FAM178B: variants seen among roughly 807,000 people sequenced by gnomAD.
FAM178B encodes family with sequence similarity 178 member B, also known as protein FAM178B.
A neutral mutation model predicts 91.7 loss-of-function variants in FAM178B; 82 were observed. That is an observed-to-expected ratio of 0.89 (90% confidence interval 0.75 to 1.07). The LOEUF is 1.07. FAM178B is among the 50% of genes least tolerant of loss of function. The pLI is 0.00. For synonymous variants in FAM178B, 368 were observed against 359.4 expected, an observed-to-expected ratio of 1.02 and a Z score of -0.27; for missense variants, 769 against 846.7, an observed-to-expected ratio of 0.91 and a Z score of 1.14.
chr2:96,967,909 G>GTATTTTTTT lies in FAM178B; in HGVS notation c.627-283_627-282insAAAAAAATA, dbSNP rs1318481195. Among the ~76,000 whole-genome samples, 5 of 40,228 alleles carry GTATTTTTTT rather than the reference G, an allele frequency of 1.2e-4. 1 individual carries two copies. The highest frequency in any genetic ancestry group is 4.0e-4 in the Non-Finnish European group (4 of 9,894). 26.4% of individuals were successfully genotyped at this position (40,228 alleles called of 152,430 possible). A position where few individuals can be genotyped will look rare whatever the true frequency, so the allele number is the denominator to read the frequency against. On this transcript the variant is annotated intron_variant, in intron 4 of 16. Transcript: ENST00000490605. ...CATCTTTACTTGTGTACCCTGTTTG[G>GTATTTTTTT]TCTTTTTTTTTTTTTTTTTTTTTTT...
intron 1 of FAM178B, among the ~76,000 whole-genome samples, chr2:96,981,991 C>T (rs1216400968): frequency 1.3e-5 from 2 of 151,652 alleles, no homozygotes; most frequent in Admixed American, 1.3e-4. Context: ...CATCTGAGTC[C>T]AGGAGGTCAA....
chr2:96,960,602 C>T lies in FAM178B; in HGVS notation c.735-162G>A, dbSNP rs528734104. Among the ~76,000 whole-genome samples, 3 of 152,310 alleles carry T rather than the reference C, an allele frequency of 2.0e-5. No homozygotes were observed. In the South Asian group the frequency reaches 6.2e-4, roughly 32 times the overall value. On this transcript the variant is annotated intron_variant, in intron 5 of 16. Coordinates refer to ENST00000490605, the MANE Select transcript of FAM178B (RefSeq NM_001122646.3). ...GCGCCACCTGCTGATGGAGGAAGAG[C>T]CCACCTAGGCACGCAGGAGCCCTTC...
chr2:96,879,709 G>C (rs2080333079), intron 14 of FAM178B, among the ~76,000 whole-genome samples: 1 of 152,230 alleles, frequency 6.6e-6, no homozygotes, highest in Non-Finnish European at 1.5e-5. Context: ...AGGTGGCCTT[G>C]CACACGGCAG....
At position 96,947,760 on chromosome 2, in the gene FAM178B, C is replaced by T. The variant is rs957372193; in HGVS notation, c.1078+58G>A. On this transcript the variant is annotated intron_variant, in intron 8 of 16. Transcript: ENST00000490605. ...GCTGGGCTCTGGGCACTGAGAGTCA[C>T]GTATCACAGGCTTGGGAGCTCAGTG... is the stretch of plus-strand genomic sequence containing the variant. 1.4e-5 allele frequency: 14 copies of T among 995,822 alleles called. No homozygotes were observed. The Admixed American group carries it at 2.3e-4, about 16-fold the overall frequency. 61.7% of individuals were successfully genotyped at this position (995,822 alleles called of 1,614,324 possible).
chr2:96,947,933 C>T, intron 7 of FAM178B, 31 bp from the exon 8 acceptor site: 1 of 1,233,936 alleles, frequency 8.1e-7, no homozygotes, highest in Non-Finnish European at 1.2e-6. Flanking sequence ...AAAACAAAAA[C>T]CTGGTGAGCT....
At chr2:96,879,715 G>A (rs997351339) in intron 14 of FAM178B, among the ~76,000 whole-genome samples, 2 of 152,214 alleles carry the variant, frequency 1.3e-5, no homozygotes, top group Admixed American at 6.5e-5. Context: ...CCTTGCACAC[G>A]GCAGGCAGAG....
intron 14 of FAM178B, among the ~76,000 whole-genome samples, chr2:96,887,310 C>T (rs745330978): frequency 2.6e-5 from 4 of 152,192 alleles, no homozygotes; most frequent in Non-Finnish European, 4.4e-5. Flanking sequence ...TTCAGATGAT[C>T]CTCCTGCCTC....
Position 96,967,594 on chromosome 2 carries a change from C to G in FAM178B, c.660G>C (p.Leu220=). ...EQALEQERER[L]LLQECLNLNS... ...TGAGATTGAGACACTCCTGCAGAAGCAGCCTCTCTCGCTCCTGCTCCAGGG... is the reference window on the plus strand; with the variant it reads ...TGAGATTGAGACACTCCTGCAGAAGGAGCCTCTCTCGCTCCTGCTCCAGGG... The change falls in exon 5 of 17, where the codon CTG becomes CTC. Residue 220 remains leucine, a synonymous_variant. Transcript: ENST00000490605. 6.4e-7 allele frequency: 1 copy of G among 1,550,454 alleles called. No homozygotes were observed. Among genetic ancestry groups the G allele is most frequent in the Non-Finnish European group, 8.7e-7 (1 of 1,146,896 alleles).
intron 1 of FAM178B, among the ~76,000 whole-genome samples, chr2:96,978,379 T>C (rs961473115): frequency 6.6e-6 from 1 of 152,206 alleles, no homozygotes. Context: ...CGGCTTTTAG[T>C]GTGCCCATCA....
At position 96,967,527 on chromosome 2, in the gene FAM178B, C is replaced by G. The variant is rs750130354; in HGVS notation, c.727G>C (p.Glu243Gln). ...LDEEEVPLTP[E>Q]HRMLVEKYSV... ...CAGGCCCCTGCCCCTCACCTGTGCT[C>G]GGGTGTGAGTGGCACTTCCTCTTCA... is the stretch of plus-strand genomic sequence containing the variant. Residue 243 changes from glutamate (E) to glutamine (Q), a missense_variant, in exon 5 of 17, where the codon GAG becomes CAG. Transcript: ENST00000490605. 6.5e-7 allele frequency: 1 copy of G among 1,546,516 alleles called. No homozygotes were observed. Among genetic ancestry groups the G allele is most frequent in the South Asian group, 1.2e-5 (1 of 84,006 alleles).
At chr2:96,959,749 C>A (rs1023071161) in intron 6 of FAM178B, among the ~76,000 whole-genome samples, 4 of 152,324 alleles carry the variant, frequency 2.6e-5, no homozygotes, top group Middle Eastern at 3.4e-3. Flanking sequence ...TTTAAAAATT[C>A]TCTCAAAAAG....
At chr2:96,921,088 G>T in intron 12 of FAM178B, 77 bp downstream of exon 12, 1 of 1,232,208 alleles carries the variant, frequency 8.1e-7, no homozygotes, top group South Asian at 1.3e-5. Flanking sequence ...GGGGCTGATG[G>T]GGAGGACTCT....
intron 12 of FAM178B, among the ~76,000 whole-genome samples, chr2:96,918,367 A>C (rs2153370610): frequency 6.6e-6 from 1 of 152,378 alleles, no homozygotes; most frequent in African/African-American, 2.4e-5. Flanking sequence ...GGTAATTTAC[A>C]GTAAGAGAAA....
chr2:96,953,701 C>A (rs2081960526), intron 6 of FAM178B, among the ~76,000 whole-genome samples: 1 of 152,210 alleles, frequency 6.6e-6, no homozygotes, highest in Non-Finnish European at 1.5e-5. Flanking sequence ...TCAAGGAATT[C>A]TGTGTTTAGG....
intron 9 of FAM178B, among the ~76,000 whole-genome samples, chr2:96,926,379 G>A (rs1055295028): frequency 2.0e-5 from 3 of 152,200 alleles, no homozygotes; most frequent in African/African-American, 4.8e-5. Flanking sequence ...GGTCTTCAGC[G>A]GCCAGGCCTG....
chr2:96,934,525 A>C (rs563927617), intron 8 of FAM178B, among the ~76,000 whole-genome samples: 3 of 152,292 alleles, frequency 2.0e-5, no homozygotes, highest in East Asian at 1.9e-4. Flanking sequence ...ACAACAACAA[A>C]AAAATCCTGT....
intron 9 of FAM178B, among the ~76,000 whole-genome samples, chr2:96,928,248 G>A (rs1362588806): frequency 6.6e-6 from 1 of 152,160 alleles, no homozygotes; most frequent in Non-Finnish European, 1.5e-5. Context: ...GCCCCTCCAG[G>A]CTTCAAAACA....
intron 12 of FAM178B, among the ~76,000 whole-genome samples, chr2:96,918,964 C>T (rs1296234370): frequency 6.6e-6 from 1 of 152,202 alleles, no homozygotes; most frequent in Non-Finnish European, 1.5e-5. Context: ...CTCAATCGAT[C>T]ACGACCCTCT....
In FAM178B at chr2:96,947,907, G is replaced by A. The variant is rs776115094; in HGVS notation, c.994-5C>T. The A allele has an allele frequency of 1.9e-5, 28 of 1,509,186 alleles. 1 individual carries two copies. Among genetic ancestry groups the A allele is most frequent in the South Asian group, 3.7e-5 (3 of 81,994 alleles). The allele number at this position is 1,509,186 out of a possible 1,614,324, so 93.5% of individuals were successfully genotyped here. A position where few individuals can be genotyped will look rare whatever the true frequency, so the allele number is the denominator to read the frequency against. Reference sequence around the variant, plus strand: ...TTCTGGAGGCCATGTCAGCAGCTAGGTGGAAAAAAAAAACAAAAACAAAAA... The same window carrying A: ...TTCTGGAGGCCATGTCAGCAGCTAGATGGAAAAAAAAAACAAAAACAAAAA... On this transcript the variant is annotated splice_polypyrimidine_tract_variant and splice_region_variant and intron_variant, in intron 7 of 16. Transcript: ENST00000490605.
Sources: allele counts gnomAD v4.1 joint callset (sites outside exome capture counted in the v4.1 genomes callset), GRCh38; gene constraint gnomAD v4.1.1; transcripts MANE v1.5; gene names NCBI Gene and HGNC (gene_info 2026-07-23, HGNC 2026-07-21).